Variants in ALDH3A1 observed in about 807,000 individuals in gnomAD.
ALDH3A1 encodes the protein aldehyde dehydrogenase, dimeric NADP-preferring.
Under a neutral mutation model 49.9 loss-of-function variants are expected in ALDH3A1, and 46 were observed. The ratio of observed to expected loss-of-function variants is 0.92; its 90% CI spans 0.73 to 1.18. The LOEUF is 1.18. ALDH3A1 is among the 50% of genes most tolerant of loss of function. ALDH3A1 has a pLI of 0.00. For synonymous variants in ALDH3A1, 269 were observed against 253.3 expected, an observed-to-expected ratio of 1.06 and a Z score of -0.59; for missense variants, 592 against 611.8, an observed-to-expected ratio of 0.97 and a Z score of 0.34.
At chr17:19,744,703 G>T in intron 2 of ALDH3A1, 1 of 1,343,236 alleles carries the variant, frequency 7.4e-7, no homozygotes, top group Non-Finnish European at 9.5e-7. Flanking sequence ...CAGGGTGTCG[G>T]GGCAGCAGGA....
At chr17:19,742,827 C>T in intron 3 of ALDH3A1, 197 bp from the exon 4 acceptor site, 1 of 1,533,840 alleles carries the variant, frequency 6.5e-7, no homozygotes, top group Non-Finnish European at 8.7e-7. Context: ...CACACACGGG[C>T]ACACGCTGGC....
intron 4 of ALDH3A1, 148 bp downstream of exon 4, chr17:19,742,397 G>A (rs2086512848): frequency 9.1e-7 from 1 of 1,097,442 alleles, no homozygotes; most frequent in Middle Eastern, 2.7e-4. Context: ...TCACCCCAAT[G>A]AGAGAGGGCA....
chr17:19,742,940 A>G (rs1422935356), intron 3 of ALDH3A1: 1 of 1,524,838 alleles, frequency 6.6e-7, no homozygotes, highest in East Asian at 2.5e-5. Flanking sequence ...GCGCTGGCCC[A>G]TTCTAGGAAG....
chr17:19,747,401 C>T (rs2086614642), intron 1 of ALDH3A1, among the ~76,000 whole-genome samples: 1 of 152,196 alleles, frequency 6.6e-6, no homozygotes. Context: ...GCCCCTCCTG[C>T]TGACCACAAC....
At position 19,740,393 on chromosome 17, in the gene ALDH3A1, T is replaced by C; in HGVS notation, c.892A>G (p.Ile298Val). Residue 298 changes from isoleucine (I) to valine (V), a missense_variant, in exon 7 of 11, where the codon ATT (isoleucine) becomes GTT (valine). Physicochemically the swap from Ile to Val is conservative, Grantham distance 29. Coordinates refer to ENST00000225740, the MANE Select transcript of ALDH3A1 (RefSeq NM_000691.5). Reference protein sequence around the residue: ...ARHFQRVMGLIEGQKVAYGGT... With the variant: ...ARHFQRVMGLVEGQKVAYGGT... ...CCATAAGCCACCTTCTGGCCCTCAA[T>C]CAGGCCCATCACCCTCTGGAAGTGC... 2 of 1,614,072 alleles carry C rather than the reference T, an allele frequency of 1.2e-6. No homozygotes were observed. Among genetic ancestry groups the C allele is most frequent in the Non-Finnish European group, 1.7e-6 (2 of 1,180,016 alleles).
At position 19,745,077 on chromosome 17, in the gene ALDH3A1, C is replaced by T; in HGVS notation, c.53G>A (p.Gly18Asp). Residue 18 changes from glycine (G) to aspartate (D), a missense_variant, in exon 2 of 11, where the codon GGC becomes GAC. Coordinates refer to ENST00000225740, the MANE Select transcript of ALDH3A1 (RefSeq NM_000691.5). ...CCGGAACTGCAGCGGACGGGTCCTG[C>T]CCGAGCTGAAGGCGGCGCGGGCGCG... ...VKRARAAFSSGRTRPLQFRIQ... is the reference protein window; with the variant it reads ...VKRARAAFSSDRTRPLQFRIQ... 1 of 1,593,856 alleles carries T rather than the reference C, an allele frequency of 6.3e-7. No individual in the cohort carries two copies. The highest frequency in any genetic ancestry group is 8.5e-7 in the Non-Finnish European group (1 of 1,176,558).
intron 1 of ALDH3A1, 56 bp from the exon 2 acceptor site, chr17:19,745,190 C>T (rs2086579908): frequency 4.0e-6 from 6 of 1,495,814 alleles, no homozygotes; most frequent in Non-Finnish European, 5.3e-6. Flanking sequence ...CCCTGCCTCC[C>T]ACCCTGCCTG....
Position 19,744,957 on chromosome 17 carries a change from A to T in ALDH3A1, c.162+11T>A, listed in dbSNP as rs1332159282. ...CGACACTGGCAGAAGGCGGCCGCCC[A>T]GCCTGAGCACCTTGTGCAGGTCTGC... On this transcript the variant is annotated intron_variant, in intron 2 of 10. Coordinates refer to ENST00000225740, the MANE Select transcript of ALDH3A1 (RefSeq NM_000691.5). 5 of 1,245,448 alleles carry T rather than the reference A, an allele frequency of 4.0e-6. No homozygotes were observed. Among genetic ancestry groups the T allele is most frequent in the East Asian group, 6.7e-5 (1 of 14,892 alleles). The allele number at this position is 1,245,448 out of a possible 1,614,324, so 77.1% of individuals were successfully genotyped here.
chr17:19,744,225 G>A (rs770252029), intron 2 of ALDH3A1: 6 of 728,022 alleles, frequency 8.2e-6, no homozygotes, highest in Admixed American at 6.3e-5. Context: ...CCAACATGGC[G>A]AAACCCTGTC....
chr17:19,739,613 C>A lies in ALDH3A1; in HGVS notation c.1011G>T (p.Gly337=). The change falls in exon 8 of 11, where the codon GGG becomes GGT. Residue 337 remains glycine, a synonymous_variant. Coordinates refer to ENST00000225740, the MANE Select transcript of ALDH3A1 (RefSeq NM_000691.5). ...GCACGCACACGATGGGCAGCACAGG[C>A]CCGAAGATCTCCTCTTGCATCACCG... is the stretch of plus-strand genomic sequence containing the variant. ...QSPVMQEEIF[G]PVLPIVCVRS... is the part of the protein sequence containing the mutation. 1 of 1,614,000 alleles carries A rather than the reference C, an allele frequency of 6.2e-7. No homozygotes were observed. The highest frequency in any genetic ancestry group is 1.7e-5 in the Admixed American group (1 of 60,014).
chr17:19,743,367 C>T lies in ALDH3A1; in HGVS notation c.259G>A (p.Val87Met), dbSNP rs748460974. Residue 87 changes from valine (V) to methionine (M), a missense_variant, in exon 3 of 11, where the codon GTG becomes ATG. Transcript: ENST00000225740. This position sits in a 1 kb window ranked among gnomAD's most constrained non-coding sequence, Gnocchi z 4.4. ...KLPEWAADEP[V>M]EKTPQTQQDE... ...TGCTGAGTCTGGGGCGTCTTCTCCACGGGCTCATCCGCGGCCCACTCAGGG... is the reference window on the plus strand; with the variant it reads ...TGCTGAGTCTGGGGCGTCTTCTCCATGGGCTCATCCGCGGCCCACTCAGGG... The T allele has an allele frequency of 3.6e-5, 58 of 1,614,056 alleles. No individual in the cohort carries two copies. In the Admixed American group the frequency reaches 5.5e-4, roughly 15 times the overall value.
chr17:19,738,568 C>T (rs2086431366), intron 9 of ALDH3A1, 115 bp from the exon 10 acceptor site: 1 of 1,428,960 alleles, frequency 7.0e-7, no homozygotes, highest in Non-Finnish European at 9.5e-7. Context: ...GGCAGAGCCC[C>T]AGCCACCATC....
chr17:19,745,302 A>G, intron 1 of ALDH3A1, 168 bp from the exon 2 acceptor site: 1 of 695,892 alleles, frequency 1.4e-6, no homozygotes, highest in Non-Finnish European at 2.2e-6. Flanking sequence ...CCCCTCACTC[A>G]GACGCCTGGG....
At chr17:19,742,761 A>G in intron 3 of ALDH3A1, 131 bp from the exon 4 acceptor site, 1 of 1,550,264 alleles carries the variant, frequency 6.5e-7, no homozygotes, top group Non-Finnish European at 8.7e-7. Flanking sequence ...TTGTTAGCAA[A>G]CAAGCACATG....
chr17:19,745,118 G>C lies in ALDH3A1; in HGVS notation c.12C>G (p.Ile4Met). The change falls in exon 2 of 11, where the codon ATC becomes ATG. Residue 4 changes from isoleucine (I) to methionine (M), a missense_variant. Physicochemically the swap from Ile to Met is conservative, Grantham distance 10. Coordinates refer to ENST00000225740, the MANE Select transcript of ALDH3A1 (RefSeq NM_000691.5). MSKISEAVKRARAA... is the reference protein window; with the variant it reads MSKMSEAVKRARAA... ...CGCGGGCGCGCTTCACGGCCTCGCTGATCTTGCTCATGGCGCCTGGGGACA... is the reference window on the plus strand; with the variant it reads ...CGCGGGCGCGCTTCACGGCCTCGCTCATCTTGCTCATGGCGCCTGGGGACA... The C allele has an allele frequency of 6.3e-7, 1 of 1,579,214 alleles. No individual in the cohort carries two copies. The highest frequency in any genetic ancestry group is 8.6e-7 in the Non-Finnish European group (1 of 1,169,188).
chr17:19,740,877 G>A (rs2086479001), intron 6 of ALDH3A1, among the ~76,000 whole-genome samples: 1 of 152,142 alleles, frequency 6.6e-6, no homozygotes, highest in South Asian at 2.1e-4. Context: ...TGTTACCCAG[G>A]CTGGTCTCAA....
Position 19,742,129 on chromosome 17 carries a change from G to A in ALDH3A1, c.564C>T (p.Gly188=), listed in dbSNP as rs928109827. The part of the protein sequence containing the change: ...KERFDHILYT[G]STGVGKIIMT... ...TGATGATCTTCCCCACCCCCGTGCTGCCCGTGTACAGGATATGGTCGAACC... is the reference window on the plus strand; with the variant it reads ...TGATGATCTTCCCCACCCCCGTGCTACCCGTGTACAGGATATGGTCGAACC... The change falls in exon 5 of 11, where the codon GGC becomes GGT. Residue 188 remains glycine (G), a synonymous_variant. Coordinates refer to ENST00000225740, the MANE Select transcript of ALDH3A1 (RefSeq NM_000691.5). 1.5e-5 allele frequency: 24 copies of A among 1,613,936 alleles called. No homozygotes were observed. Among genetic ancestry groups the A allele is most frequent in the Non-Finnish European group, 1.7e-5 (20 of 1,180,024 alleles).
rs1567655008 is a variant in ALDH3A1 at position 19,743,826 on chromosome 17, G to A, written c.163-363C>T. ...CCGGGGAGGGGGGGATGGATCCGGG[G>A]AGGGGGGATAGATTCGGGCACTGGG... On this transcript the variant is annotated intron_variant, in intron 2 of 10. Coordinates refer to ENST00000225740, the MANE Select transcript of ALDH3A1 (RefSeq NM_000691.5). This position sits in a 1 kb window ranked among gnomAD's most constrained non-coding sequence, Gnocchi z 4.4. 4 of 798,328 alleles carry A rather than the reference G, an allele frequency of 5.0e-6. No homozygotes were observed. Among genetic ancestry groups the A allele is most frequent in the Non-Finnish European group, 6.1e-6 (4 of 661,058 alleles). The allele number at this position is 798,328 out of a possible 1,614,324, so 49.5% of individuals were successfully genotyped here.
rs758998154 is a variant in ALDH3A1 at position 19,741,185 on chromosome 17, T to C, written c.715A>G (p.Asn239Asp). Residue 239 changes from asparagine to aspartate, a missense_variant, in exon 6 of 11, where the codon AAC (asparagine) becomes GAC (aspartate). Coordinates refer to ENST00000225740, the MANE Select transcript of ALDH3A1 (RefSeq NM_000691.5). ...CRRIAWGKFM[N>D]SGQTCVAPDY... ...GGGGCCACGCAGGTCTGGCCACTGTTCATGAATTTCCCCCAGGCGATGCGT... is the reference window on the plus strand; with the variant it reads ...GGGGCCACGCAGGTCTGGCCACTGTCCATGAATTTCCCCCAGGCGATGCGT... 3 of 1,614,002 alleles carry C rather than the reference T, an allele frequency of 1.9e-6. No individual in the cohort carries two copies. In the South Asian group the frequency reaches 3.3e-5, roughly 18 times the overall value.
Sources: allele counts gnomAD v4.1 joint callset (sites outside exome capture counted in the v4.1 genomes callset), GRCh38; gene constraint gnomAD v4.1.1; non-coding constraint Gnocchi (gnomAD v3.1); transcripts MANE v1.5; gene names NCBI Gene and HGNC (gene_info 2026-07-23, HGNC 2026-07-21).